Variants in USP3 observed in about 807,000 individuals in gnomAD.
USP3 encodes ubiquitin carboxyl-terminal hydrolase 3.
In USP3, 20 loss-of-function variants were observed where a neutral mutation model predicts 72.3. The ratio of observed to expected loss-of-function variants is 0.28; its 90% CI spans 0.19 to 0.40. USP3 has a LOEUF of 0.40. USP3 is among the 10% of genes least tolerant of loss of function. The pLI is 1.00. For missense variants in USP3, 479 were observed against 633.9 expected (o/e 0.76, Z 2.62); for synonymous variants, 222 against 225.3 (o/e 0.99, Z 0.13).
intron 11 of USP3, chr15:63,587,884 C>T (rs2067106438): frequency 6.5e-6 from 1 of 154,270 alleles, no homozygotes; most frequent in Admixed American, 6.4e-5. Flanking sequence ...ATAGTGTAGC[C>T]TTCTGTGATC....
In USP3 at chr15:63,590,928, T is replaced by G. The variant is rs1055623168; in HGVS notation, c.*102T>G. 7.3e-7 allele frequency: 1 copy of G among 1,374,130 alleles called. No homozygotes were observed. The highest frequency in any genetic ancestry group is 9.6e-7 in the Non-Finnish European group (1 of 1,046,498). The allele number at this position is 1,374,130 out of a possible 1,614,324, so 85.1% of individuals were successfully genotyped here. On this transcript the variant is annotated 3_prime_UTR_variant, in exon 15 of 15. Transcript: ENST00000380324. ...TTAATTTCATTATGCACTTTTCAATTTCCTATTTTGGATTTAGTTTTGTCA... is the reference window on the plus strand; with the variant it reads ...TTAATTTCATTATGCACTTTTCAATGTCCTATTTTGGATTTAGTTTTGTCA...
In USP3 at chr15:63,591,024, G is replaced by A. The variant is rs1260314291; in HGVS notation, c.*198G>A. The A allele has an allele frequency of 1.8e-6, 1 of 552,812 alleles. No individual in the cohort carries two copies. The highest frequency in any genetic ancestry group is 3.4e-5 in the East Asian group (1 of 29,018). 34.2% of individuals were successfully genotyped at this position (552,812 alleles called of 1,614,324 possible). On this transcript the variant is annotated 3_prime_UTR_variant, in exon 15 of 15. Transcript: ENST00000380324. ...GTTCTACCAGAAAACCTCAGCAGATGTTTTGATTTGCTGCTTTAGTTGTAA... is the reference window on the plus strand; with the variant it reads ...GTTCTACCAGAAAACCTCAGCAGATATTTTGATTTGCTGCTTTAGTTGTAA...
Position 63,534,783 on chromosome 15 carries a change from AT to A in USP3, c.152+2078del, listed in dbSNP as rs530267925. ...AAAATGTGCAAGTGGTAATGTGCTTATTCAGTATTATTACTGTAGCAATGAA... is the reference window on the plus strand; with the variant it reads ...AAAATGTGCAAGTGGTAATGTGCTTATCAGTATTATTACTGTAGCAATGAA... On this transcript the variant is annotated intron_variant, in intron 2 of 14. Coordinates refer to ENST00000380324, the MANE Select transcript of USP3 (RefSeq NM_006537.4). Among the ~76,000 whole-genome samples, 24 of 152,318 alleles carry A rather than the reference AT, an allele frequency of 1.6e-4. No homozygotes were observed. In the South Asian group the frequency reaches 4.6e-3, roughly 29 times the overall value.
chr15:63,573,561 T>C (rs964471716), intron 9 of USP3, among the ~76,000 whole-genome samples: 6 of 152,264 alleles, frequency 3.9e-5, no homozygotes, highest in African/African-American at 1.4e-4. Flanking sequence ...TACTTCCTTT[T>C]CCCCAAATCT....
rs568031266 is a variant in USP3 at position 63,579,492 on chromosome 15, T to C, written c.1096+5089T>C. Among the ~76,000 whole-genome samples the C allele has an allele frequency of 2.0e-5, 3 of 152,328 alleles. No individual in the cohort carries two copies. The South Asian group carries it at 6.2e-4, about 32-fold the overall frequency. Reference sequence around the variant, plus strand: ...ATAAGAAATTAGGCAATAAATGGTGTTAGTGTAAATGAAAATTAATTTGGG... The same window carrying C: ...ATAAGAAATTAGGCAATAAATGGTGCTAGTGTAAATGAAAATTAATTTGGG... On this transcript the variant is annotated intron_variant, in intron 11 of 14. Coordinates refer to ENST00000380324, the MANE Select transcript of USP3 (RefSeq NM_006537.4).
rs2067237459 is a variant in USP3, at chr15:63,593,318, C to T, written c.*2492C>T. 1 of 152,166 alleles carries T rather than the reference C, an allele frequency of 6.6e-6. No homozygotes were observed. The highest frequency in any genetic ancestry group is 2.1e-4 in the South Asian group (1 of 4,830). 9.4% of individuals were successfully genotyped at this position (152,166 alleles called of 1,614,324 possible). A position where few individuals can be genotyped will look rare whatever the true frequency, so the allele number is the denominator to read the frequency against. On this transcript the variant is annotated 3_prime_UTR_variant, in exon 15 of 15. Transcript: ENST00000380324. ...CTAATTCAACCTGAAATGTGAGTCT[C>T]CTTTGATCTTGCAAAGTATCTCCTA... is the stretch of plus-strand genomic sequence containing the variant.
At chr15:63,566,548 C>CGTGATCCA (rs1421456866) in intron 8 of USP3, among the ~76,000 whole-genome samples, 12 of 152,086 alleles carry the variant, frequency 7.9e-5, no homozygotes, top group Admixed American at 6.5e-4. Flanking sequence ...CTCCTGACCT[C>CGTGATCCA]GTGATCCACC....
intron 7 of USP3, among the ~76,000 whole-genome samples, chr15:63,560,330 C>T (rs1390850986): frequency 6.6e-6 from 1 of 151,022 alleles, no homozygotes; most frequent in East Asian, 1.9e-4. Context: ...GCAGGAGAAT[C>T]GCTTGAACCC....
chr15:63,535,552 A>G (rs2066142870), intron 2 of USP3, among the ~76,000 whole-genome samples: 1 of 152,242 alleles, frequency 6.6e-6, no homozygotes, highest in Admixed American at 6.5e-5. Flanking sequence ...GAATCCAGGC[A>G]GTCTAGTTTT....
intron 4 of USP3, among the ~76,000 whole-genome samples, chr15:63,555,061 A>G (rs1170502034): frequency 6.6e-6 from 1 of 152,226 alleles, no homozygotes; most frequent in Admixed American, 6.5e-5. Context: ...AACTAAGTCA[A>G]AGGGAAAAGA....
Position 63,558,208 on chromosome 15 carries a change from T to A in USP3, c.533+20T>A. ...ACTCAGGTAACGCTACAGTCAGAGC[T>A]TAAGTGTCTGACATTAAAGGTTAAG... On this transcript the variant is annotated intron_variant, in intron 6 of 14. Coordinates refer to ENST00000380324, the MANE Select transcript of USP3 (RefSeq NM_006537.4). The A allele has an allele frequency of 1.2e-6, 2 of 1,612,980 alleles. No individual in the cohort carries two copies. Among genetic ancestry groups the A allele is most frequent in the Non-Finnish European group, 1.7e-6 (2 of 1,179,080 alleles).
chr15:63,566,751 G>A (rs915353968), intron 8 of USP3, among the ~76,000 whole-genome samples: 3 of 152,120 alleles, frequency 2.0e-5, no homozygotes, highest in Non-Finnish European at 2.9e-5. Flanking sequence ...TATTGTATTT[G>A]TGTGTTTGTA....
At chr15:63,569,229 A>G (rs904443165) in intron 8 of USP3, among the ~76,000 whole-genome samples, 2 of 152,204 alleles carry the variant, frequency 1.3e-5, no homozygotes, top group Non-Finnish European at 2.9e-5. Context: ...TAGATATACA[A>G]AGGAACTACC....
At chr15:63,560,333 T>C (rs745407429) in intron 7 of USP3, among the ~76,000 whole-genome samples, 4 of 151,450 alleles carry the variant, frequency 2.6e-5, no homozygotes, top group Non-Finnish European at 5.9e-5. Flanking sequence ...GGAGAATCGC[T>C]TGAACCCAAG....
At chr15:63,540,607 C>T (rs1012562415) in intron 3 of USP3, among the ~76,000 whole-genome samples, 1 of 152,220 alleles carries the variant, frequency 6.6e-6, no homozygotes, top group Non-Finnish European at 1.5e-5. Flanking sequence ...AGGTGAACTA[C>T]TTCATTTCCC....
intron 11 of USP3, among the ~76,000 whole-genome samples, chr15:63,583,291 GAA>G (rs1005455350): frequency 1.3e-5 from 2 of 152,006 alleles, no homozygotes; most frequent in African/African-American, 4.8e-5. Context: ...ATTTGCCTGT[GAA>G]AGTTTCAAGC....
intron 8 of USP3, among the ~76,000 whole-genome samples, chr15:63,568,839 A>G (rs1566911371): frequency 6.6e-6 from 1 of 152,236 alleles, no homozygotes; most frequent in Non-Finnish European, 1.5e-5. Context: ...CTACCTTTAT[A>G]GAATAGCTGA....
At chr15:63,518,172 A>C (rs963042528) in intron 1 of USP3, among the ~76,000 whole-genome samples, 2 of 152,208 alleles carry the variant, frequency 1.3e-5, no homozygotes, top group Non-Finnish European at 2.9e-5. Flanking sequence ...ACATTAATCT[A>C]TTTGAATAAA....
intron 1 of USP3, among the ~76,000 whole-genome samples, chr15:63,511,838 C>CT (rs2065786656): frequency 6.6e-6 from 1 of 151,488 alleles, no homozygotes; most frequent in African/African-American, 2.4e-5. Flanking sequence ...GAAATCTTTG[C>CT]TTTTAGTCAG....
Sources: gnomAD v4.1 joint callset for allele counts (sites outside exome capture counted in the v4.1 genomes callset) on GRCh38, gnomAD v4.1.1 for gene constraint, MANE v1.5 for transcripts, NCBI Gene and HGNC (gene_info 2026-07-23, HGNC 2026-07-21) for gene names.